Variants in TRDN observed in about 807,000 individuals in gnomAD.
The protein encoded by TRDN is triadin in skeletal muscle.
Under a neutral mutation model 149.7 loss-of-function variants are expected in TRDN, and 161 were observed. That is an observed-to-expected ratio of 1.08 (90% confidence interval 0.95 to 1.23). TRDN has a LOEUF of 1.23. TRDN is among the 50% of genes most tolerant of loss of function. The pLI is 0.00. For synonymous variants in TRDN, 294 were observed against 250.5 expected (o/e 1.17, Z -1.64); for missense variants, 896 against 823.5 (o/e 1.09, Z -1.08).
chr6:123,234,156 C>T (rs6934031), intron 38 of TRDN, among the ~76,000 whole-genome samples: 8,052 of 152,072 alleles, frequency 0.053, 628 homozygotes, highest in African/African-American at 0.18. Flanking sequence ...GACTACTACC[C>T]TATGATACCA....
At chr6:123,333,202 T>A (rs1215736433) in intron 22 of TRDN, among the ~76,000 whole-genome samples, 2 of 151,594 alleles carry the variant, frequency 1.3e-5, no homozygotes, top group Non-Finnish European at 1.5e-5. Flanking sequence ...AAATGAGGAG[T>A]GGTGGTGGGA....
intron 38 of TRDN, among the ~76,000 whole-genome samples, chr6:123,230,987 G>A (rs1001449245): frequency 6.6e-6 from 1 of 151,798 alleles, no homozygotes; most frequent in African/African-American, 2.4e-5. Flanking sequence ...TGAATTATGG[G>A]GAAAATATCT....
intron 5 of TRDN, among the ~76,000 whole-genome samples, chr6:123,525,254 C>T (rs1779886498): frequency 6.6e-6 from 1 of 152,036 alleles, no homozygotes; most frequent in African/African-American, 2.4e-5. Flanking sequence ...CCTGCACTCA[C>T]ATGTTCATCA....
chr6:123,442,606 A>G (rs1453887072), intron 10 of TRDN, among the ~76,000 whole-genome samples: 4 of 151,736 alleles, frequency 2.6e-5, no homozygotes, highest in African/African-American at 4.8e-5. Flanking sequence ...AGAAATGGAG[A>G]TAACTGGGCT....
At chr6:123,631,815 T>C (rs1786022028) in intron 1 of TRDN, among the ~76,000 whole-genome samples, 3 of 151,978 alleles carry the variant, frequency 2.0e-5, no homozygotes, top group Non-Finnish European at 2.9e-5. Flanking sequence ...AATCAACTAA[T>C]GGCCAATCCT....
rs375383085 is a variant in TRDN, at chr6:123,404,485, G to A, written c.1052-10808C>T. Among the ~76,000 whole-genome samples, 3 of 152,162 alleles carry A rather than the reference G, an allele frequency of 2.0e-5. No individual in the cohort carries two copies. The East Asian group carries it at 5.8e-4, about 29-fold the overall frequency. ...TTTTTTTGTGTTTTGAGAAGTTTCT[G>A]TCACCCAGGCGGGAGTGCAGTGATG... On this transcript the variant is annotated intron_variant, in intron 12 of 40. Coordinates refer to ENST00000334268, the MANE Select transcript of TRDN (RefSeq NM_006073.4).
chr6:123,313,772 T>C (rs1241784024), intron 24 of TRDN, among the ~76,000 whole-genome samples: 1 of 152,030 alleles, frequency 6.6e-6, no homozygotes, highest in Admixed American at 6.6e-5. Flanking sequence ...CAATAAATGG[T>C]GCTGGGATAA....
intron 20 of TRDN, among the ~76,000 whole-genome samples, chr6:123,353,843 G>C (rs1780557091): frequency 6.6e-6 from 1 of 151,760 alleles, no homozygotes; most frequent in Non-Finnish European, 1.5e-5. Context: ...TGTGAAGCAA[G>C]GGAGATGTTA....
intron 1 of TRDN, among the ~76,000 whole-genome samples, chr6:123,628,935 G>T (rs1425882316): frequency 6.6e-6 from 1 of 152,184 alleles, no homozygotes; most frequent in Middle Eastern, 3.4e-3. Context: ...TCAGATGGAG[G>T]TAACTTGCCT....
chr6:123,450,215 T>G (rs923711346), intron 10 of TRDN, among the ~76,000 whole-genome samples: 5 of 152,122 alleles, frequency 3.3e-5, no homozygotes, highest in African/African-American at 1.2e-4. Flanking sequence ...GCACAATGAA[T>G]GCAATGGTGC....
At chr6:123,446,446 G>A (rs1033915085) in intron 10 of TRDN, among the ~76,000 whole-genome samples, 19 of 151,950 alleles carry the variant, frequency 1.3e-4, no homozygotes, top group Admixed American at 7.9e-4. Context: ...GCCAGGTGGC[G>A]TGGTGGTGGG....
At chr6:123,310,849 A>G (rs1778790778) in intron 24 of TRDN, among the ~76,000 whole-genome samples, 1 of 151,988 alleles carries the variant, frequency 6.6e-6, no homozygotes, top group African/African-American at 2.4e-5. Context: ...GACATTCATT[A>G]GTAAGAAAGA....
chr6:123,218,768 A>C (rs1371261281), intron 40 of TRDN, 28 bp from the exon 41 acceptor site: 1 of 1,548,848 alleles, frequency 6.5e-7, no homozygotes, highest in Non-Finnish European at 8.7e-7. Flanking sequence ...ACAGTTTGTT[A>C]AAACATGCAG....
At chr6:123,247,812 C>A (rs144632834) in intron 38 of TRDN, among the ~76,000 whole-genome samples, 1 of 152,104 alleles carries the variant, frequency 6.6e-6, no homozygotes, top group South Asian at 2.1e-4. Flanking sequence ...GCAAAAGGAA[C>A]AAAGCTTGAG....
intron 12 of TRDN, among the ~76,000 whole-genome samples, chr6:123,406,873 T>C (rs1406999306): frequency 1.3e-5 from 2 of 152,186 alleles, no homozygotes; most frequent in African/African-American, 4.8e-5. Flanking sequence ...TCTTTATCTC[T>C]GTGCTCTCCC....
intron 4 of TRDN, among the ~76,000 whole-genome samples, chr6:123,533,623 A>C (rs1780362141): frequency 6.6e-6 from 1 of 152,100 alleles, no homozygotes; most frequent in South Asian, 2.1e-4. Flanking sequence ...ACTCAGACAT[A>C]TCCTGACAAA....
intron 10 of TRDN, chr6:123,464,632 T>C (rs183713713): frequency 8.5e-7 from 1 of 1,178,676 alleles, no homozygotes; most frequent in Non-Finnish European, 1.1e-6. Context: ...GCCTTATCTA[T>C]TTGTCCCTAT....
At chr6:123,396,515 T>C (rs1442164081) in intron 12 of TRDN, among the ~76,000 whole-genome samples, 1 of 152,230 alleles carries the variant, frequency 6.6e-6, no homozygotes, top group African/African-American at 2.4e-5. Flanking sequence ...CTGAAATTGA[T>C]AAATAGTATT....
chr6:123,268,830 G>A (rs1777106800), intron 31 of TRDN, among the ~76,000 whole-genome samples: 1 of 151,804 alleles, frequency 6.6e-6, no homozygotes, highest in Non-Finnish European at 1.5e-5. Flanking sequence ...AATATTCAAG[G>A]TATTAAACTG....
Sources: gnomAD v4.1 joint callset for allele counts (sites outside exome capture counted in the v4.1 genomes callset) on GRCh38, gnomAD v4.1.1 for gene constraint, MANE v1.5 for transcripts, NCBI Gene and HGNC (gene_info 2026-07-23, HGNC 2026-07-21) for gene names.